The following ARHGAP23 variants were observed in gnomAD, a reference collection of about 807,000 sequenced individuals.
The protein encoded by ARHGAP23 is rho GTPase-activating protein 23.
A neutral mutation model predicts 136.3 loss-of-function variants in ARHGAP23; 34 were observed. The observed-to-expected ratio is 0.25, with a 90% confidence interval of 0.19 to 0.33. The LOEUF (loss-of-function observed/expected upper bound fraction) is 0.33, where lower values mean the gene tolerates loss of function less well. Ranked by LOEUF, ARHGAP23 falls within the 10% of genes least tolerant of loss-of-function variation. The pLI is 1.00. For synonymous variants in ARHGAP23, 832 were observed against 920.5 expected (o/e 0.90, Z 1.74); for missense variants, 1,808 against 2,139.0 (o/e 0.85, Z 3.05).
At chr17:38,426,325 G>GA (rs1377977898), upstream of ARHGAP23, among the ~76,000 whole-genome samples, 1 of 151,850 alleles carries the variant, frequency 6.6e-6, no homozygotes, top group African/African-American at 2.4e-5. Context: ...GGTGGATTAC[G>GA]AGGTCAAGAG....
At chr17:38,474,007 G>A (rs758887494) in intron 11 of ARHGAP23, among the ~76,000 whole-genome samples, 14 of 152,016 alleles carry the variant, frequency 9.2e-5, no homozygotes, top group Admixed American at 2.6e-4. Flanking sequence ...TGCAACCTCC[G>A]CCCCCCAGGT....
At chr17:38,434,740 T>C (rs1415785373) in intron 1 of ARHGAP23, among the ~76,000 whole-genome samples, 2 of 152,252 alleles carry the variant, frequency 1.3e-5, no homozygotes, top group East Asian at 3.9e-4. Context: ...GACTTCTGTC[T>C]GGCTCTGTGC....
At chr17:38,429,057 C>G (rs1287585419) in intron 1 of ARHGAP23, among the ~76,000 whole-genome samples, 1 of 152,220 alleles carries the variant, frequency 6.6e-6, no homozygotes, top group Non-Finnish European at 1.5e-5. Flanking sequence ...CGCCCCCTGC[C>G]GGGTCGGACT....
At chr17:38,493,203 TG>T (rs1472599761) in intron 20 of ARHGAP23, among the ~76,000 whole-genome samples, 19 of 67,312 alleles carry the variant, frequency 2.8e-4, no homozygotes, top group African/African-American at 6.3e-4. Flanking sequence ...GCTTTTTTTT[TG>T]TTTTTTTGTT....
intron 23 of ARHGAP23, among the ~76,000 whole-genome samples, chr17:38,503,847 G>C (rs565004267): frequency 1.3e-5 from 2 of 152,344 alleles, no homozygotes; most frequent in East Asian, 3.9e-4. Flanking sequence ...CTGTGACCCA[G>C]TGAGTTCATC....
At chr17:38,423,823 G>A (rs2038544081), upstream of ARHGAP23, among the ~76,000 whole-genome samples, 1 of 152,150 alleles carries the variant, frequency 6.6e-6, no homozygotes, top group Admixed American at 6.6e-5. Context: ...GTCCTGCCCT[G>A]CCATCCTTCT....
intron 23 of ARHGAP23, among the ~76,000 whole-genome samples, chr17:38,506,924 G>T (rs2040645769): frequency 6.6e-6 from 1 of 152,132 alleles, no homozygotes. Flanking sequence ...CCACAGCCAT[G>T]TGCTTGACAC....
At chr17:38,501,632 T>G (rs1250723072) in intron 23 of ARHGAP23, among the ~76,000 whole-genome samples, 2 of 152,052 alleles carry the variant, frequency 1.3e-5, no homozygotes, top group East Asian at 3.9e-4. Flanking sequence ...TTTATGGGCA[T>G]AAAGTTGCCC....
intron 23 of ARHGAP23, among the ~76,000 whole-genome samples, chr17:38,507,622 TCCTAGCGGCCTCTTAAGTCTCTC>T (rs1239479924): frequency 8.5e-5 from 13 of 152,264 alleles, no homozygotes; most frequent in African/African-American, 3.1e-4. Flanking sequence ...GATCAGGTGA[TCCTAGCGGCCTCTTAAGTCTCTC>T]AGAGAGCACT....
At chr17:38,463,017 G>C in intron 4 of ARHGAP23, 76 bp downstream of exon 4, 1 of 1,532,996 alleles carries the variant, frequency 6.5e-7, no homozygotes, top group Non-Finnish European at 8.8e-7. Flanking sequence ...AGGTGTTGGG[G>C]AGGCTCCTGT....
intron 11 of ARHGAP23, among the ~76,000 whole-genome samples, chr17:38,473,564 G>A (rs1204611455): frequency 2.0e-5 from 3 of 152,126 alleles, no homozygotes; most frequent in Non-Finnish European, 4.4e-5. Context: ...GGGAGTTAGT[G>A]GTAAGGGAGC....
Position 38,466,265 on chromosome 17 carries a change from C to T in ARHGAP23, c.582C>T (p.Thr194=). ...EPPPICYPRK[T]YAPPARASTR... Reference sequence around the variant, plus strand: ...CCCCGATCTGCTACCCCCGCAAGACCTACGCCCCTCCTGCCCGGGCCTCCA... The same window carrying T: ...CCCCGATCTGCTACCCCCGCAAGACTTACGCCCCTCCTGCCCGGGCCTCCA... The change falls in exon 7 of 24, where the codon ACC becomes ACT. Residue 194 remains threonine (T), a synonymous_variant. Transcript: ENST00000622683. 2 of 1,549,060 alleles carry T rather than the reference C, an allele frequency of 1.3e-6. No homozygotes were observed. The highest frequency in any genetic ancestry group is 1.7e-6 in the Non-Finnish European group (2 of 1,146,644).
intron 20 of ARHGAP23, among the ~76,000 whole-genome samples, chr17:38,494,912 A>G (rs1286599410): frequency 2.6e-5 from 4 of 152,214 alleles, no homozygotes; most frequent in Non-Finnish European, 4.4e-5. Context: ...TGTGGCTTGC[A>G]GAGTACTTCT....
At chr17:38,464,149 G>A (rs760901591) in intron 6 of ARHGAP23, among the ~76,000 whole-genome samples, 34 of 152,048 alleles carry the variant, frequency 2.2e-4, no homozygotes, top group Non-Finnish European at 3.7e-4. Context: ...ATCTCAGCAC[G>A]TGCGCCCACC....
intron 1 of ARHGAP23, among the ~76,000 whole-genome samples, chr17:38,438,655 G>GA (rs34076630): frequency 0.28 from 42,468 of 151,904 alleles, 6,110 homozygotes; most frequent in South Asian, 0.34. Context: ...GATGGGAGCT[G>GA]AAACTGGAGG....
chr17:38,424,532 T>G (rs1346813522), upstream of ARHGAP23, among the ~76,000 whole-genome samples: 1 of 152,122 alleles, frequency 6.6e-6, no homozygotes, highest in African/African-American at 2.4e-5. Flanking sequence ...TGTTGCCTCC[T>G]CCTTCTCTGC....
chr17:38,493,754 G>A (rs2040329960), intron 20 of ARHGAP23, among the ~76,000 whole-genome samples: 1 of 152,216 alleles, frequency 6.6e-6, no homozygotes, highest in Admixed American at 6.5e-5. Flanking sequence ...TGGCAACTGA[G>A]GGGTAAAGAG....
intron 1 of ARHGAP23, among the ~76,000 whole-genome samples, chr17:38,443,459 G>A (rs1393581181): frequency 1.3e-5 from 2 of 152,190 alleles, no homozygotes; most frequent in Non-Finnish European, 2.9e-5. Context: ...AGGATCTGGA[G>A]TGAGGATGAT....
At position 38,510,976 on chromosome 17, in the gene ARHGAP23, C is replaced by T. The variant is rs746586325; in HGVS notation, c.*4C>T. 20 of 1,428,960 alleles carry T rather than the reference C, an allele frequency of 1.4e-5. No homozygotes were observed. The South Asian group carries it at 2.5e-4, about 18-fold the overall frequency. 88.5% of individuals were successfully genotyped at this position (1,428,960 alleles called of 1,614,324 possible). ...CCGCCTGCATCAGTGTCTGTGATCC[C>T]CACCTCCCGCGCCGCTCGGGCGCCA... is the stretch of plus-strand genomic sequence containing the variant. On this transcript the variant is annotated 3_prime_UTR_variant, in exon 24 of 24. Coordinates refer to ENST00000622683, the MANE Select transcript of ARHGAP23 (RefSeq NM_001199417.2). The surrounding 1 kb of genome is among the most constrained non-coding windows in gnomAD (Gnocchi z 4.6).
Sources: allele counts gnomAD v4.1 joint callset (sites outside exome capture counted in the v4.1 genomes callset), GRCh38; gene constraint gnomAD v4.1.1; non-coding constraint Gnocchi (gnomAD v3.1); transcripts MANE v1.5; gene names NCBI Gene and HGNC (gene_info 2026-07-23, HGNC 2026-07-21).